Variants in DCAF5 observed in about 807,000 individuals in gnomAD.
The protein encoded by DCAF5 is DDB1 and CUL4 associated factor 5.
Under a neutral mutation model 80.7 loss-of-function variants are expected in DCAF5, and 9 were observed. That is an observed-to-expected ratio of 0.11 (90% CI 0.07 to 0.19). The LOEUF (loss-of-function observed/expected upper bound fraction) is 0.19, where lower values mean the gene tolerates loss of function less well. Among genes scored for constraint, DCAF5 ranks in the 10% least tolerant of loss-of-function variants. The pLI is 1.00. For missense variants in DCAF5, 842 were observed against 1,205.7 expected, an observed-to-expected ratio of 0.70 and a Z score of 4.47; for synonymous variants, 433 against 461.9, an observed-to-expected ratio of 0.94 and a Z score of 0.80.
intron 1 of DCAF5, among the ~76,000 whole-genome samples, chr14:69,148,153 A>G (rs1291804789): frequency 6.6e-6 from 1 of 152,000 alleles, no homozygotes; most frequent in African/African-American, 2.4e-5. Context: ...ACCCCATTCT[A>G]AGAAAAAGGA....
chr14:69,148,583 T>C (rs2041614200), intron 1 of DCAF5, among the ~76,000 whole-genome samples: 1 of 151,964 alleles, frequency 6.6e-6, no homozygotes, highest in South Asian at 2.1e-4. Flanking sequence ...TAATCCCAGC[T>C]ACTCAGGAGG....
intron 6 of DCAF5, 35 bp downstream of exon 6, chr14:69,091,639 A>C (rs371394617): frequency 4.4e-6 from 7 of 1,573,854 alleles, no homozygotes; most frequent in South Asian, 3.3e-5. Flanking sequence ...AAAGAAAAGC[A>C]TAAGTGTGAG....
Position 69,118,086 on chromosome 14 carries a change from CTG to C in DCAF5, c.535+51_535+52del. Reference sequence around the variant, plus strand: ...GTAATAAATTGGATCTTCAATGAATCTGACATCAAACTGTTCAACACAGTCCA... The same window carrying C: ...GTAATAAATTGGATCTTCAATGAATCACATCAAACTGTTCAACACAGTCCA... On this transcript the variant is annotated intron_variant, in intron 4 of 8. Transcript: ENST00000341516. The surrounding 1 kb of genome is among the most constrained non-coding windows in gnomAD (Gnocchi z 4.0). 1 of 1,599,894 alleles carries C rather than the reference CTG, an allele frequency of 6.3e-7. No individual in the cohort carries two copies. Among genetic ancestry groups the C allele is most frequent in the South Asian group, 1.1e-5 (1 of 90,004 alleles).
Position 69,052,848 on chromosome 14 carries a change from T to TC in DCAF5, c.*1008_*1009insG, listed in dbSNP as rs903996027. 2 of 152,244 alleles carry TC rather than the reference T, an allele frequency of 1.3e-5. No homozygotes were observed. The highest frequency in any genetic ancestry group is 2.9e-5 in the Non-Finnish European group (2 of 68,064). The allele number at this position is 152,244 out of a possible 1,614,324, so 9.4% of individuals were successfully genotyped here. On this transcript the variant is annotated 3_prime_UTR_variant, in exon 9 of 9. Transcript: ENST00000341516. ...ACCAATTCTGACCAATGGTTCTGGG[T>TC]TGAGTTAAATGAATATAGTACCACA...
chr14:69,132,422 C>T (rs901978872), intron 1 of DCAF5, among the ~76,000 whole-genome samples: 4 of 152,054 alleles, frequency 2.6e-5, no homozygotes, highest in African/African-American at 7.2e-5. Context: ...TATCTCAGAG[C>T]GCATCATTCT....
At chr14:69,062,562 A>C in intron 7 of DCAF5, 51 bp from the exon 8 acceptor site, 1 of 1,602,252 alleles carries the variant, frequency 6.2e-7, no homozygotes, top group Non-Finnish European at 8.5e-7. Context: ...AATGAAAGTA[A>C]ATAGGTTCCA....
intron 1 of DCAF5, among the ~76,000 whole-genome samples, chr14:69,150,421 AATGACCTGGCCAAGAC>A (rs2041664206): frequency 6.6e-6 from 1 of 151,960 alleles, no homozygotes; most frequent in African/African-American, 2.4e-5. Flanking sequence ...AGATAAAGGA[AATGACCTGGCCAAGAC>A]TAGAGAAAAT....
At chr14:69,065,132 C>G (rs1006822243) in intron 7 of DCAF5, among the ~76,000 whole-genome samples, 7 of 122,600 alleles carry the variant, frequency 5.7e-5, no homozygotes, top group Admixed American at 1.1e-4. Flanking sequence ...GAGTCTTGCT[C>G]TGTTGCCCAG....
chr14:69,134,708 A>T (rs1169912989), intron 1 of DCAF5, among the ~76,000 whole-genome samples: 1 of 152,382 alleles, frequency 6.6e-6, no homozygotes, highest in East Asian at 1.9e-4. Flanking sequence ...CTAGTAATCA[A>T]GGCCAGTTGT....
At chr14:69,126,143 T>C (rs2040865261) in intron 1 of DCAF5, among the ~76,000 whole-genome samples, 1 of 149,764 alleles carries the variant, frequency 6.7e-6, no homozygotes, top group African/African-American at 2.4e-5. Flanking sequence ...ACTAAATAAA[T>C]AGACAGAGAT....
intron 5 of DCAF5, among the ~76,000 whole-genome samples, chr14:69,113,399 C>T (rs910387582): frequency 7.9e-5 from 12 of 152,122 alleles, no homozygotes; most frequent in African/African-American, 2.7e-4. Flanking sequence ...TCAAGGGTCT[C>T]TATGAGAACT....
intron 2 of DCAF5, among the ~76,000 whole-genome samples, chr14:69,120,811 T>C (rs1413667808): frequency 6.6e-6 from 1 of 152,210 alleles, no homozygotes; most frequent in Admixed American, 6.5e-5. Flanking sequence ...TACTCTGTCC[T>C]TGAGAACTCC....
At chr14:69,149,529 T>G (rs557930958) in intron 1 of DCAF5, 25 of 152,352 alleles carry the variant, frequency 1.6e-4, no homozygotes, top group African/African-American at 5.8e-4. Context: ...AGTGATGTAT[T>G]ATTAACTAAT....
chr14:69,069,998 A>G (rs2038621566), intron 7 of DCAF5, among the ~76,000 whole-genome samples: 1 of 152,154 alleles, frequency 6.6e-6, no homozygotes, highest in Admixed American at 6.5e-5. Context: ...AGAAAGTATT[A>G]TTGTTGTTGG....
intron 8 of DCAF5, among the ~76,000 whole-genome samples, chr14:69,058,608 C>T (rs2038075004): frequency 6.6e-6 from 1 of 151,878 alleles, no homozygotes; most frequent in Non-Finnish European, 1.5e-5. Context: ...GGCGTGGTGG[C>T]TCACACCTGT....
chr14:69,137,129 G>C (rs2041219677), intron 1 of DCAF5, among the ~76,000 whole-genome samples: 1 of 152,102 alleles, frequency 6.6e-6, no homozygotes. Flanking sequence ...TATCTTGTAA[G>C]TACCATATGC....
At position 69,119,366 on chromosome 14, in the gene DCAF5, G is replaced by GA. The variant is rs2040638787; in HGVS notation, c.359-137dup. 6 of 765,676 alleles carry GA rather than the reference G, an allele frequency of 7.8e-6. No individual in the cohort carries two copies. The South Asian group carries it at 1.0e-4, about 13-fold the overall frequency. 47.4% of individuals were successfully genotyped at this position (765,676 alleles called of 1,614,324 possible). ...TAATACAAATTAGAAGTGTTAACTG[G>GA]AAAAAAGATTTATAGAAATAATTTA... is the stretch of plus-strand genomic sequence containing the variant. On this transcript the variant is annotated intron_variant, in intron 2 of 8. Coordinates refer to ENST00000341516, the MANE Select transcript of DCAF5 (RefSeq NM_003861.3).
chr14:69,087,645 G>A (rs1336440512), intron 6 of DCAF5, among the ~76,000 whole-genome samples: 1 of 152,190 alleles, frequency 6.6e-6, no homozygotes, highest in African/African-American at 2.4e-5. Context: ...GGGGAAGACA[G>A]ATTGTATAAA....
chr14:69,075,334 G>A lies in DCAF5; in HGVS notation c.946+11C>T, dbSNP rs2038859653. On this transcript the variant is annotated intron_variant, in intron 7 of 8. Coordinates refer to ENST00000341516, the MANE Select transcript of DCAF5 (RefSeq NM_003861.3). ...GCAATAGCAGTACATTCATGTGAAGGATATACTTGCCTGCTTCTGGATCTG... is the reference window on the plus strand; with the variant it reads ...GCAATAGCAGTACATTCATGTGAAGAATATACTTGCCTGCTTCTGGATCTG... 3 of 1,603,144 alleles carry A rather than the reference G, an allele frequency of 1.9e-6. No individual in the cohort carries two copies. In the East Asian group the frequency reaches 6.7e-5, roughly 36 times the overall value.
Sources: allele counts gnomAD v4.1 joint callset (sites outside exome capture counted in the v4.1 genomes callset), GRCh38; gene constraint gnomAD v4.1.1; non-coding constraint Gnocchi (gnomAD v3.1); transcripts MANE v1.5; gene names NCBI Gene and HGNC (gene_info 2026-07-23, HGNC 2026-07-21).